CTNNA2: variants seen among roughly 807,000 people sequenced by gnomAD.
The protein encoded by CTNNA2 is catenin alpha 2.
Under a neutral mutation model 101.0 loss-of-function variants are expected in CTNNA2, and 42 were observed. That is an observed-to-expected ratio of 0.42 (90% confidence interval 0.32 to 0.54). The LOEUF (loss-of-function observed/expected upper bound fraction) is 0.54, where lower values mean the gene tolerates loss of function less well. Ranked by LOEUF, CTNNA2 falls within the 20% of genes least tolerant of loss-of-function variation. CTNNA2 has a pLI of 0.14. For missense variants in CTNNA2, 871 were observed against 1,223.1 expected (o/e 0.71, Z 4.29); for synonymous variants, 450 against 456.4 (o/e 0.99, Z 0.18).
intron 3 of CTNNA2, among the ~76,000 whole-genome samples, chr2:79,829,186 G>A (rs1421622296): frequency 6.6e-6 from 1 of 152,104 alleles, no homozygotes; most frequent in East Asian, 1.9e-4. Context: ...AGCTCTGTAG[G>A]AGGAATACAG....
chr2:80,582,980 A>T lies in CTNNA2; in HGVS notation c.2007+1161A>T, dbSNP rs111970088. On this transcript the variant is annotated intron_variant, in intron 14 of 18. Coordinates refer to ENST00000402739, the MANE Select transcript of CTNNA2 (RefSeq NM_001282597.3). Reference sequence around the variant, plus strand: ...GATATTCTCACTCAACAATCAAGTGACCCAAAAGATATAAACAAACATTAA... The same window carrying T: ...GATATTCTCACTCAACAATCAAGTGTCCCAAAAGATATAAACAAACATTAA... Among the ~76,000 whole-genome samples, 827 of 152,236 alleles carry T rather than the reference A, an allele frequency of 5.4e-3. 7 individuals carry two copies. Among genetic ancestry groups the T allele is most frequent in the Non-Finnish European group, 6.9e-3 (466 of 68,010 alleles).
At chr2:80,573,531 C>A (rs754150163) in intron 12 of CTNNA2, among the ~76,000 whole-genome samples, 3 of 152,088 alleles carry the variant, frequency 2.0e-5, no homozygotes, top group Non-Finnish European at 1.5e-5. Flanking sequence ...TCTTCCCTTG[C>A]TCCACCCTCC....
At chr2:79,225,468 A>T (rs1029132804) in intron 2 of CTNNA2, among the ~76,000 whole-genome samples, 1 of 152,158 alleles carries the variant, frequency 6.6e-6, no homozygotes, top group Non-Finnish European at 1.5e-5. Flanking sequence ...TCTCATCTGT[A>T]GAATTACTAG....
intron 4 of CTNNA2, among the ~76,000 whole-genome samples, chr2:79,470,225 AG>A (rs1329598783): frequency 6.6e-6 from 1 of 152,188 alleles, no homozygotes; most frequent in African/African-American, 2.4e-5. Context: ...CAACACCAAA[AG>A]CTTTCCCAGA....
intron 7 of CTNNA2, among the ~76,000 whole-genome samples, chr2:80,088,068 C>T (rs1699557862): frequency 6.6e-6 from 1 of 151,924 alleles, no homozygotes; most frequent in Non-Finnish European, 1.5e-5. Flanking sequence ...GGTGACTGTG[C>T]TATTCCAGCA....
At chr2:80,453,550 T>G (rs971528458) in intron 9 of CTNNA2, among the ~76,000 whole-genome samples, 1 of 151,912 alleles carries the variant, frequency 6.6e-6, no homozygotes, top group African/African-American at 2.4e-5. Context: ...TCTGTTTAGC[T>G]CCACGAAAGC....
chr2:79,305,245 C>A (rs1388830687), intron 2 of CTNNA2, among the ~76,000 whole-genome samples: 5 of 150,928 alleles, frequency 3.3e-5, no homozygotes, highest in African/African-American at 1.2e-4. Context: ...CACACACACA[C>A]AAACACATCT....
chr2:79,910,821 A>T (rs1427705589), intron 7 of CTNNA2, among the ~76,000 whole-genome samples: 1 of 152,318 alleles, frequency 6.6e-6, no homozygotes, highest in Middle Eastern at 3.4e-3. Context: ...CATCATGAGT[A>T]AAAATATGTA....
Position 79,195,908 on chromosome 2 carries a change from G to A in CTNNA2, c.-523-2051G>A, listed in dbSNP as rs147373952. ...TTAGGGGGCAGAGGTGCAGAGGTAGGGTGGAAAGTAGGGGGATGAACTCAG... is the reference window on the plus strand; with the variant it reads ...TTAGGGGGCAGAGGTGCAGAGGTAGAGTGGAAAGTAGGGGGATGAACTCAG... On this transcript the variant is annotated intron_variant, in intron 1 of 21. Coordinates refer to the CTNNA2 transcript ENST00000466387. The A allele has an allele frequency of 2.4e-3, 1,139 of 479,930 alleles. 10 individuals are homozygous for A. Among genetic ancestry groups the A allele is most frequent in the African/African-American group, 0.021 (1,028 of 49,828 alleles). The allele number at this position is 479,930 out of a possible 1,614,324, so 29.7% of individuals were successfully genotyped here. A position where few individuals can be genotyped will look rare whatever the true frequency, so the allele number is the denominator to read the frequency against.
chr2:79,484,523 A>C (rs1432661001), intron 4 of CTNNA2, among the ~76,000 whole-genome samples: 1 of 152,164 alleles, frequency 6.6e-6, no homozygotes, highest in Non-Finnish European at 1.5e-5. Context: ...TTTAATGTAG[A>C]AATTCCTTTT....
At chr2:80,454,055 C>A (rs1683754221) in intron 9 of CTNNA2, among the ~76,000 whole-genome samples, 1 of 151,904 alleles carries the variant, frequency 6.6e-6, no homozygotes, top group Non-Finnish European at 1.5e-5. Flanking sequence ...AAAGAAAGGG[C>A]AAAGAGGGAG....
chr2:80,378,372 A>C (rs930605766), intron 7 of CTNNA2, among the ~76,000 whole-genome samples: 3 of 139,230 alleles, frequency 2.2e-5, no homozygotes, highest in Admixed American at 7.0e-5. Flanking sequence ...ATAAATAAAT[A>C]AATAAATAAA....
At chr2:80,084,774 A>G (rs1048405626) in intron 7 of CTNNA2, among the ~76,000 whole-genome samples, 1 of 152,182 alleles carries the variant, frequency 6.6e-6, no homozygotes, top group South Asian at 2.1e-4. Flanking sequence ...TAAATAAGCA[A>G]AGGAAATGGT....
intron 7 of CTNNA2, among the ~76,000 whole-genome samples, chr2:80,379,298 T>G (rs944325054): frequency 3.3e-5 from 5 of 152,154 alleles, no homozygotes; most frequent in African/African-American, 1.2e-4. Flanking sequence ...TCAGCTAACC[T>G]TATTTGATGT....
At chr2:79,865,997 G>C (rs1682062488) in intron 4 of CTNNA2, among the ~76,000 whole-genome samples, 1 of 152,252 alleles carries the variant, frequency 6.6e-6, no homozygotes, top group African/African-American at 2.4e-5. Context: ...GGGATTACAG[G>C]CGTGAGCCAC....
At chr2:80,395,957 C>T (rs779465547) in intron 8 of CTNNA2, among the ~76,000 whole-genome samples, 8 of 152,274 alleles carry the variant, frequency 5.3e-5, no homozygotes, top group Admixed American at 1.3e-4. Context: ...CTCCTCATAG[C>T]GCTAAGTTTG....
intron 7 of CTNNA2, among the ~76,000 whole-genome samples, chr2:80,172,201 T>C (rs1261199881): frequency 6.6e-6 from 1 of 152,230 alleles, no homozygotes; most frequent in African/African-American, 2.4e-5. Flanking sequence ...CATGTGTTTT[T>C]TCAGCCCAAC....
intron 7 of CTNNA2, among the ~76,000 whole-genome samples, chr2:80,149,813 C>G (rs1478091054): frequency 2.0e-5 from 3 of 147,140 alleles, no homozygotes; most frequent in Non-Finnish European, 4.5e-5. Context: ...CACACACACA[C>G]ACAGTGTATT....
In CTNNA2 at chr2:79,326,884, A is replaced by G. The variant is rs144927965; in HGVS notation, c.-318+14088A>G. ...TCATGGAGAGGTACAGGCATAATCA[A>G]TTGAGGGGTCTCCTAACCACATAGT... On this transcript the variant is annotated intron_variant, in intron 3 of 21. Coordinates refer to the CTNNA2 transcript ENST00000466387. Among the ~76,000 whole-genome samples, 542 of 152,290 alleles carry G rather than the reference A, an allele frequency of 3.6e-3. 3 individuals are homozygous for G. The highest frequency in any genetic ancestry group is 0.012 in the African/African-American group (518 of 41,568).
Sources: allele counts gnomAD v4.1 joint callset (sites outside exome capture counted in the v4.1 genomes callset), GRCh38; gene constraint gnomAD v4.1.1; transcripts MANE v1.5; gene names NCBI Gene and HGNC (gene_info 2026-07-23, HGNC 2026-07-21).